Variants in TMEM181 observed in about 807,000 individuals in gnomAD.
The protein encoded by TMEM181 is G protein-coupled receptor 178.
A neutral mutation model predicts 71.9 loss-of-function variants in TMEM181; 39 were observed. The observed-to-expected ratio is 0.54, with a 90% CI of 0.42 to 0.71. TMEM181 has a LOEUF of 0.71. TMEM181 is among the 30% of genes least tolerant of loss of function. TMEM181 has a pLI of 0.00. For missense variants in TMEM181, 595 were observed against 583.0 expected (o/e 1.02, Z -0.21); for synonymous variants, 245 against 228.8 (o/e 1.07, Z -0.64).
At chr6:158,628,141 G>C (rs1033992558) in intron 13 of TMEM181, 7 of 626,742 alleles carry the variant, frequency 1.1e-5, no homozygotes, top group Admixed American at 2.2e-5. Flanking sequence ...GAGTGTGATG[G>C]GGCCTGCAGC....
intron 5 of TMEM181, among the ~76,000 whole-genome samples, chr6:158,586,491 G>A (rs147018584): frequency 6.6e-6 from 1 of 152,304 alleles, no homozygotes; most frequent in East Asian, 1.9e-4. Flanking sequence ...AAGAAACTGA[G>A]GCTTAGAGAG....
intron 1 of TMEM181, among the ~76,000 whole-genome samples, chr6:158,551,636 C>A (rs560327155): frequency 2.0e-5 from 3 of 152,230 alleles, no homozygotes; most frequent in African/African-American, 7.2e-5. Flanking sequence ...ACATCAGGAC[C>A]ATTCGACTTT....
chr6:158,562,466 G>GTGTGTGTA (rs1308468734), intron 1 of TMEM181, among the ~76,000 whole-genome samples: 2 of 144,082 alleles, frequency 1.4e-5, no homozygotes, highest in African/African-American at 4.9e-5. Context: ...GTGTGTGTGT[G>GTGTGTGTA]TGTGTGTGTC....
intron 1 of TMEM181, among the ~76,000 whole-genome samples, chr6:158,565,192 T>G (rs1289915321): frequency 6.6e-6 from 1 of 152,220 alleles, no homozygotes. Flanking sequence ...TTGTATCTGT[T>G]TTGTGGTTCT....
chr6:158,559,319 A>G (rs9457403), upstream of TMEM181, among the ~76,000 whole-genome samples: 70,340 of 152,096 alleles, frequency 0.46, 17,460 homozygotes, highest in East Asian at 0.75. Flanking sequence ...TCATGTCCAC[A>G]CTTTTCTGCC....
At chr6:158,599,308 GC>G (rs909168254) in intron 6 of TMEM181, among the ~76,000 whole-genome samples, 1 of 152,168 alleles carries the variant, frequency 6.6e-6, no homozygotes, top group African/African-American at 2.4e-5. Flanking sequence ...GGGAGGAGTG[GC>G]CCAGGGTATG....
chr6:158,573,194 C>T (rs753527177), intron 1 of TMEM181, among the ~76,000 whole-genome samples: 7 of 152,046 alleles, frequency 4.6e-5, no homozygotes, highest in Admixed American at 1.3e-4. Context: ...GGTGTGTCCA[C>T]GGACCCTCTA....
chr6:158,553,190 G>GA (rs5881273), intron 1 of TMEM181, among the ~76,000 whole-genome samples: 89,695 of 145,658 alleles, frequency 0.62, 27,413 homozygotes, highest in East Asian at 0.72. Flanking sequence ...CCCTGTCTCC[G>GA]AAAAAAAAAA....
intron 15 of TMEM181, among the ~76,000 whole-genome samples, 192 bp from the exon 16 acceptor site, chr6:158,631,131 A>C (rs1213080352): frequency 3.9e-5 from 6 of 152,364 alleles, no homozygotes; most frequent in Non-Finnish European, 8.8e-5. Context: ...CCTGCCAGGC[A>C]GGCCAGGCCA....
chr6:158,545,477 C>G (rs1781497351), intron 1 of TMEM181, among the ~76,000 whole-genome samples: 1 of 152,234 alleles, frequency 6.6e-6, no homozygotes, highest in Non-Finnish European at 1.5e-5. Context: ...GAGCAGAGCT[C>G]TGAAGGCGTG....
intron 1 of TMEM181, among the ~76,000 whole-genome samples, chr6:158,563,042 A>T (rs1294761858): frequency 6.6e-6 from 1 of 152,216 alleles, no homozygotes; most frequent in Non-Finnish European, 1.5e-5. Context: ...CTGACAGTTC[A>T]TGGTTACTTG....
chr6:158,540,866 C>T lies in TMEM181; in HGVS notation c.131+4001C>T, dbSNP rs908196237. Among the ~76,000 whole-genome samples, 52 of 152,156 alleles carry T rather than the reference C, an allele frequency of 3.4e-4. 1 individual carries two copies. Among genetic ancestry groups the T allele is most frequent in the Non-Finnish European group, 1.2e-4 (8 of 68,030 alleles). ...CACTGCAGCCTTGACCTCCTCGACT[C>T]CTCTCCCGCAGCCTCCCAGGTAGCT... On this transcript the variant is annotated intron_variant, in intron 1 of 16. Transcript: ENST00000367090.
At position 158,568,846 on chromosome 6, in the gene TMEM181, C is replaced by T. The variant is rs149510118; in HGVS notation, c.9-4574C>T. On this transcript the variant is annotated intron_variant, in intron 1 of 16. Coordinates refer to ENST00000684151, the MANE Select transcript of TMEM181 (RefSeq NM_001376852.1). The stretch of plus-strand genomic sequence containing the variant: ...GTTCTGGCAAAGACACCTCCCCTCT[C>T]CCATCTTTACCTTGGCTTCTCAATG... 2.0e-3 allele frequency among the ~76,000 whole-genome samples: 299 copies of T among 152,332 alleles called. 1 individual carries two copies. Among genetic ancestry groups the T allele is most frequent in the African/African-American group, 6.8e-3 (283 of 41,574 alleles).
rs890569287 is a variant in TMEM181, at chr6:158,620,329, A to C, written c.897-3221A>C. Among the ~76,000 whole-genome samples, 10 of 152,190 alleles carry C rather than the reference A, an allele frequency of 6.6e-5. No homozygotes were observed. Among genetic ancestry groups the C allele is most frequent in the African/African-American group, 9.7e-5 (4 of 41,442 alleles). On this transcript the variant is annotated intron_variant, in intron 10 of 16. Coordinates refer to ENST00000684151, the MANE Select transcript of TMEM181 (RefSeq NM_001376852.1). The surrounding 1 kb of genome is among the most constrained non-coding windows in gnomAD (Gnocchi z 4.5). ...GCGCCCCCAAGATGTCCTCTAGCTT[A>C]GTCCCACTGGTCCTCTGAGGACTGG...
chr6:158,568,841 C>G (rs1019435795), intron 1 of TMEM181, among the ~76,000 whole-genome samples: 1 of 152,164 alleles, frequency 6.6e-6, no homozygotes, highest in East Asian at 1.9e-4. Context: ...AGACACCTCC[C>G]CTCTCCCATC....
intron 1 of TMEM181, among the ~76,000 whole-genome samples, chr6:158,553,739 T>C (rs1180125362): frequency 6.6e-6 from 1 of 152,194 alleles, no homozygotes; most frequent in Non-Finnish European, 1.5e-5. Context: ...AGCTAGTTTA[T>C]TTATTAAAGA....
At chr6:158,541,356 G>C (rs1367134563) in intron 1 of TMEM181, among the ~76,000 whole-genome samples, 1 of 152,184 alleles carries the variant, frequency 6.6e-6, no homozygotes, top group African/African-American at 2.4e-5. Flanking sequence ...GGCAGGGGTT[G>C]CAGTGAGTTG....
intron 13 of TMEM181, 81 bp downstream of exon 13, chr6:158,625,835 G>T: frequency 2.3e-6 from 3 of 1,305,012 alleles, no homozygotes; most frequent in Non-Finnish European, 3.3e-6. Flanking sequence ...TCCTTTTGTG[G>T]AGTGGATTTC....
rs775036746 is a variant in TMEM181 at position 158,620,910 on chromosome 6, G to A, written c.897-2640G>A. Among the ~76,000 whole-genome samples the A allele has an allele frequency of 1.3e-4, 20 of 152,218 alleles. No individual in the cohort carries two copies. Among genetic ancestry groups the A allele is most frequent in the Admixed American group, 7.2e-4 (11 of 15,286 alleles). Reference sequence around the variant, plus strand: ...TTTATTTTGGACAATAAACCTGAGAGGGCCTTCTGGCCAAGTTAGGTCAGA... The same window carrying A: ...TTTATTTTGGACAATAAACCTGAGAAGGCCTTCTGGCCAAGTTAGGTCAGA... On this transcript the variant is annotated intron_variant, in intron 10 of 16. Transcript: ENST00000684151. The surrounding 1 kb of genome is among the most constrained non-coding windows in gnomAD (Gnocchi z 4.5).
Sources: allele counts gnomAD v4.1 joint callset (sites outside exome capture counted in the v4.1 genomes callset), GRCh38; gene constraint gnomAD v4.1.1; non-coding constraint Gnocchi (gnomAD v3.1); transcripts MANE v1.5; gene names NCBI Gene and HGNC (gene_info 2026-07-23, HGNC 2026-07-21).